Variants in SNAPC3 observed in about 807,000 individuals in gnomAD.
SNAPC3 encodes snRNA-activating protein complex subunit 3.
Under a neutral mutation model 47.7 loss-of-function variants are expected in SNAPC3, and 56 were observed. The ratio of observed to expected loss-of-function variants is 1.18; its 90% CI spans 0.95 to 1.47. SNAPC3 has a LOEUF of 1.47. Among genes scored for constraint, SNAPC3 ranks in the 40% most tolerant of loss-of-function variants. SNAPC3 has a pLI of 0.00. For missense variants in SNAPC3, 665 were observed against 511.3 expected, an observed-to-expected ratio of 1.30 and a Z score of -2.90; for synonymous variants, 235 against 189.9, an observed-to-expected ratio of 1.24 and a Z score of -1.95.
intron 3 of SNAPC3, among the ~76,000 whole-genome samples, chr9:15,440,794 A>T (rs192689810): frequency 2.9e-4 from 44 of 152,242 alleles, no homozygotes; most frequent in Admixed American, 6.5e-4. Context: ...CTAAAAATAC[A>T]AAAAATTAGC....
At chr9:15,436,841 GA>G (rs2032855766) in intron 3 of SNAPC3, among the ~76,000 whole-genome samples, 2 of 45,080 alleles carry the variant, frequency 4.4e-5, no homozygotes, top group South Asian at 7.9e-4. Flanking sequence ...TTTTTTTTTT[GA>G]GACGAAGTTT....
At chr9:15,444,896 A>G (rs2033801646) in intron 4 of SNAPC3, among the ~76,000 whole-genome samples, 190 bp downstream of exon 4, 1 of 152,158 alleles carries the variant, frequency 6.6e-6, no homozygotes, top group Non-Finnish European at 1.5e-5. Flanking sequence ...GTTTGAGACC[A>G]ACCTGGGTAA....
In SNAPC3 at chr9:15,444,685, G is replaced by A; in HGVS notation, c.561G>A (p.Leu187=). The change falls in exon 4 of 9, where the codon TTG becomes TTA. Residue 187 remains leucine (L), a synonymous_variant. Coordinates refer to ENST00000380821, the MANE Select transcript of SNAPC3 (RefSeq NM_001039697.2). ...AGCTTATCCTATCTGTGAATATCTT[G>A]TACCCTGTTATATTTCATAAGGTAA... is the stretch of plus-strand genomic sequence containing the variant. ...EGELILSVNI[L]YPVIFHKHKE... 2 of 1,597,238 alleles carry A rather than the reference G, an allele frequency of 1.3e-6. No individual in the cohort carries two copies. The highest frequency in any genetic ancestry group is 3.3e-4 in the Middle Eastern group (2 of 6,040).
chr9:15,440,915 C>G (rs10962035), intron 3 of SNAPC3, among the ~76,000 whole-genome samples: 9 of 146,932 alleles, frequency 6.1e-5, no homozygotes, highest in African/African-American at 2.3e-4. Flanking sequence ...CGCCACTGCA[C>G]TCCAGCTTGG....
intron 1 of SNAPC3, among the ~76,000 whole-genome samples, 182 bp from the exon 2 acceptor site, chr9:15,423,727 C>T (rs1441199905): frequency 1.3e-5 from 2 of 152,206 alleles, no homozygotes; most frequent in Admixed American, 6.5e-5. Context: ...CTGCCTTCAT[C>T]GGCCTTTTCA....
chr9:15,463,179 C>G (rs1201940901), downstream of SNAPC3: 1 of 147,178 alleles, frequency 6.8e-6, no homozygotes, highest in Non-Finnish European at 1.5e-5. Flanking sequence ...CTAAGAAAAC[C>G]TTCAATGGTC....
At chr9:15,436,195 T>C (rs1243958162) in intron 3 of SNAPC3, among the ~76,000 whole-genome samples, 1 of 152,244 alleles carries the variant, frequency 6.6e-6, no homozygotes, top group Non-Finnish European at 1.5e-5. Flanking sequence ...TTAAATTTGA[T>C]GAAGTCTAGT....
At chr9:15,465,458 C>CT (rs143522431), downstream of SNAPC3, 3,907 of 1,379,076 alleles carry the variant, frequency 2.8e-3, 88 homozygotes, top group African/African-American at 0.049. Context: ...TTTCAGCAGT[C>CT]TATTTCAAAT....
intron 3 of SNAPC3, among the ~76,000 whole-genome samples, chr9:15,441,154 C>T (rs906072739): frequency 3.3e-5 from 5 of 149,972 alleles, no homozygotes; most frequent in African/African-American, 1.2e-4. Flanking sequence ...CTGGGGTACT[C>T]ATTGAGCACA....
chr9:15,429,937 A>G (rs1426795277), intron 2 of SNAPC3, among the ~76,000 whole-genome samples: 1 of 152,202 alleles, frequency 6.6e-6, no homozygotes, highest in Admixed American at 6.5e-5. Flanking sequence ...ATCAAGCAGG[A>G]GTAGTGATGC....
chr9:15,458,281 G>C (rs2034952660), intron 8 of SNAPC3, among the ~76,000 whole-genome samples: 1 of 152,084 alleles, frequency 6.6e-6, no homozygotes, highest in South Asian at 2.1e-4. Context: ...CCAGGGATAG[G>C]TCAAATTTCA....
intron 8 of SNAPC3, among the ~76,000 whole-genome samples, 184 bp from the exon 9 acceptor site, chr9:15,459,535 G>C (rs368584088): frequency 2.0e-5 from 3 of 152,264 alleles, no homozygotes; most frequent in African/African-American, 7.2e-5. Flanking sequence ...CTTTCGCTTT[G>C]TAGAGAGAGT....
At chr9:15,466,683 C>A (rs1048637536), downstream of SNAPC3, 5 of 1,286,850 alleles carry the variant, frequency 3.9e-6, no homozygotes, top group African/African-American at 7.6e-5. Flanking sequence ...AACCTTGGAA[C>A]AGAACTGTGA....
chr9:15,425,719 ATTG>A (rs1321156076), intron 2 of SNAPC3, among the ~76,000 whole-genome samples: 2 of 152,080 alleles, frequency 1.3e-5, no homozygotes, highest in Non-Finnish European at 2.9e-5. Context: ...CTCTGTAACT[ATTG>A]TTGATTGATT....
intron 4 of SNAPC3, among the ~76,000 whole-genome samples, chr9:15,445,637 ATC>A (rs1491439405): frequency 1.1e-3 from 19 of 17,692 alleles, no homozygotes; most frequent in Admixed American, 9.7e-3. Context: ...GTTAATACTA[ATC>A]TTATTTGATT....
chr9:15,444,336 C>G (rs1449452111), intron 3 of SNAPC3, among the ~76,000 whole-genome samples: 1 of 152,208 alleles, frequency 6.6e-6, no homozygotes, highest in Non-Finnish European at 1.5e-5. Context: ...TGCTCATCAA[C>G]TGCTAAGTAC....
chr9:15,435,430 G>A (rs7037580), intron 3 of SNAPC3, among the ~76,000 whole-genome samples: 106,091 of 151,912 alleles, frequency 0.7, 39,407 homozygotes, highest in Admixed American at 0.82. Context: ...AAAATTAGCC[G>A]GGCGTGGTGG....
At chr9:15,457,112 T>C (rs2034854723) in intron 7 of SNAPC3, among the ~76,000 whole-genome samples, 1 of 152,170 alleles carries the variant, frequency 6.6e-6, no homozygotes, top group African/African-American at 2.4e-5. Flanking sequence ...ATAAAAATTA[T>C]GAAACTTCTT....
intron 3 of SNAPC3, among the ~76,000 whole-genome samples, chr9:15,441,764 G>A (rs1262944098): frequency 6.6e-6 from 1 of 152,158 alleles, no homozygotes; most frequent in African/African-American, 2.4e-5. Context: ...TCTTAGTACA[G>A]AACAAAATGG....
Sources: allele counts gnomAD v4.1 joint callset (sites outside exome capture counted in the v4.1 genomes callset), GRCh38; gene constraint gnomAD v4.1.1; transcripts MANE v1.5; gene names NCBI Gene and HGNC (gene_info 2026-07-23, HGNC 2026-07-21).